The following UNC13C variants were observed in gnomAD, a reference collection of about 807,000 sequenced individuals.
UNC13C encodes unc-13 homolog C.
UNC13C carries 174 observed loss-of-function variants against 245.4 expected under a neutral mutation model. The observed-to-expected ratio is 0.71, with a 90% CI of 0.63 to 0.80. The LOEUF (loss-of-function observed/expected upper bound fraction) is 0.80. Ranked by LOEUF, UNC13C falls within the 30% of genes least tolerant of loss-of-function variation. UNC13C has a pLI of 0.00. For missense variants in UNC13C, 2,829 were observed against 2,602.9 expected (o/e 1.09, Z -1.89); for synonymous variants, 992 against 895.1 (o/e 1.11, Z -1.93).
At chr15:53,930,603 C>T in the UNC13C span, among the ~76,000 whole-genome samples, 1 of 152,156 alleles carries the variant, frequency 6.6e-6, no homozygotes, top group Non-Finnish European at 1.5e-5. Flanking sequence ...ATAAAACACC[C>T]TATTGGTCTG....
Position 54,062,187 on chromosome 15 carries a change from C to A in UNC13C, c.2983+46301C>A, listed in dbSNP as rs903008665. ...ATACAAAATTAGCCAGGCGTGGTGGCAGGCACCTGTAATCCCAGCTACTCG... is the reference window on the plus strand; with the variant it reads ...ATACAAAATTAGCCAGGCGTGGTGGAAGGCACCTGTAATCCCAGCTACTCG... On this transcript the variant is annotated intron_variant, in intron 2 of 32. Coordinates refer to ENST00000260323, the MANE Select transcript of UNC13C (RefSeq NM_001080534.3). 2.0e-5 allele frequency among the ~76,000 whole-genome samples: 3 copies of A among 151,986 alleles called. No homozygotes were observed. The South Asian group carries it at 6.2e-4, about 32-fold the overall frequency.
intron 2 of UNC13C, among the ~76,000 whole-genome samples, chr15:54,076,287 T>A (rs1345022479): frequency 1.8e-5 from 2 of 111,120 alleles, no homozygotes; most frequent in African/African-American, 3.6e-5. Context: ...GTCCCCAGAG[T>A]GTGATATTCC....
chr15:53,976,475 C>CT (rs879775519), upstream of UNC13C, among the ~76,000 whole-genome samples: 5,945 of 62,782 alleles, frequency 0.095, 573 homozygotes, highest in East Asian at 0.27. Context: ...CTCTCTCTCT[C>CT]TCTTTTTTTT....
At chr15:54,187,398 C>A (rs1483738400) in intron 4 of UNC13C, among the ~76,000 whole-genome samples, 2 of 152,132 alleles carry the variant, frequency 1.3e-5, no homozygotes, top group East Asian at 3.9e-4. Context: ...TAATAACTTT[C>A]CATTGCTCAT....
At chr15:54,386,660 T>C (rs538392203) in intron 17 of UNC13C, among the ~76,000 whole-genome samples, 94 of 152,314 alleles carry the variant, frequency 6.2e-4, no homozygotes, top group African/African-American at 2.2e-3. Context: ...GATGCAGAGA[T>C]TGTGGGCCAG....
At chr15:53,852,685 G>C in the UNC13C span, among the ~76,000 whole-genome samples, 2 of 152,060 alleles carry the variant, frequency 1.3e-5, no homozygotes. Flanking sequence ...CAATTACAAA[G>C]TTTACCATAT....
intron 4 of UNC13C, among the ~76,000 whole-genome samples, chr15:54,196,862 C>T (rs1031690254): frequency 6.6e-6 from 1 of 152,184 alleles, no homozygotes; most frequent in African/African-American, 2.4e-5. Context: ...AAGGAACAGT[C>T]ATGCTTAACA....
chr15:54,458,621 A>G (rs1315954631), intron 19 of UNC13C, among the ~76,000 whole-genome samples: 1 of 142,738 alleles, frequency 7.0e-6, no homozygotes, highest in Non-Finnish European at 1.5e-5. Flanking sequence ...TATTAGACTA[A>G]CCCTTTTATC....
At chr15:54,040,814 C>T (rs1896778328) in intron 2 of UNC13C, among the ~76,000 whole-genome samples, 1 of 152,208 alleles carries the variant, frequency 6.6e-6, no homozygotes, top group Admixed American at 6.5e-5. Context: ...GCTGTTCTCT[C>T]AGCCTGAAAT....
At chr15:54,505,718 A>G (rs1894441258) in intron 22 of UNC13C, among the ~76,000 whole-genome samples, 1 of 150,668 alleles carries the variant, frequency 6.6e-6, no homozygotes, top group Non-Finnish European at 1.5e-5. Context: ...TGCAACTCTT[A>G]TAGGCACACA....
chr15:53,984,553 C>T (rs1894052418), intron 1 of UNC13C, among the ~76,000 whole-genome samples: 2 of 152,094 alleles, frequency 1.3e-5, no homozygotes, highest in Non-Finnish European at 2.9e-5. Context: ...AATAATGACA[C>T]TATAAAGACC....
chr15:54,569,450 GA>G (rs1016345165), intron 30 of UNC13C, among the ~76,000 whole-genome samples: 8 of 151,850 alleles, frequency 5.3e-5, no homozygotes, highest in Non-Finnish European at 2.9e-5. Flanking sequence ...ATAATAACAA[GA>G]AAAAAAGCCT....
At chr15:54,250,950 G>T (rs1205713764) in intron 8 of UNC13C, among the ~76,000 whole-genome samples, 1 of 151,580 alleles carries the variant, frequency 6.6e-6, no homozygotes, top group African/African-American at 2.4e-5. Context: ...TAGAGACGGG[G>T]TTTCATCCTG....
chr15:54,032,677 G>C (rs1402405379), intron 2 of UNC13C, among the ~76,000 whole-genome samples: 2 of 152,130 alleles, frequency 1.3e-5, no homozygotes, highest in Non-Finnish European at 2.9e-5. Flanking sequence ...ATAATAATAA[G>C]AGCCTAAAGG....
At chr15:54,075,434 GA>G (rs1898549955) in intron 2 of UNC13C, among the ~76,000 whole-genome samples, 2 of 116,842 alleles carry the variant, frequency 1.7e-5, no homozygotes, top group African/African-American at 5.4e-5. Flanking sequence ...CAGTGAGCCG[GA>G]GCTTGCAGTG....
intron 4 of UNC13C, among the ~76,000 whole-genome samples, chr15:54,157,482 C>G (rs2032798686): frequency 6.6e-6 from 1 of 152,156 alleles, no homozygotes; most frequent in East Asian, 1.9e-4. Flanking sequence ...AAAGGTAAAT[C>G]CTTGCTCATG....
At chr15:54,066,632 C>T (rs1898088798) in intron 2 of UNC13C, among the ~76,000 whole-genome samples, 1 of 152,160 alleles carries the variant, frequency 6.6e-6, no homozygotes, top group Non-Finnish European at 1.5e-5. Flanking sequence ...TTGTGAGCCT[C>T]AGAGGTCACG....
At chr15:54,318,935 A>G (rs995755747) in intron 13 of UNC13C, among the ~76,000 whole-genome samples, 4 of 151,914 alleles carry the variant, frequency 2.6e-5, no homozygotes, top group Non-Finnish European at 5.9e-5. Context: ...TGAAGTAACC[A>G]CTAAGCTGCT....
chr15:54,081,603 C>T (rs1385145997), intron 2 of UNC13C, among the ~76,000 whole-genome samples: 1 of 84,834 alleles, frequency 1.2e-5, no homozygotes, highest in African/African-American at 2.9e-5. Context: ...GAATAGCAAT[C>T]CCTGCTTTTT....
Sources: gnomAD v4.1 joint callset for allele counts (sites outside exome capture counted in the v4.1 genomes callset) on GRCh38, gnomAD v4.1.1 for gene constraint, MANE v1.5 for transcripts, NCBI Gene and HGNC (gene_info 2026-07-23, HGNC 2026-07-21) for gene names.